The following GALNT13 variants were observed in gnomAD, a reference collection of about 807,000 sequenced individuals.
GALNT13 encodes polypeptide N-acetylgalactosaminyltransferase 13.
In GALNT13, 28 loss-of-function variants were observed where a neutral mutation model predicts 64.2. That is an observed-to-expected ratio of 0.44 (90% CI 0.32 to 0.60). The LOEUF is 0.60. Ranked by LOEUF, GALNT13 falls within the 20% of genes least tolerant of loss-of-function variation. The pLI is 0.05. For missense variants in GALNT13, 577 were observed against 669.8 expected (o/e 0.86, Z 1.53); for synonymous variants, 214 against 224.6 (o/e 0.95, Z 0.42).
At chr2:153,147,393 A>G in the GALNT13 span, among the ~76,000 whole-genome samples, 3 of 152,022 alleles carry the variant, frequency 2.0e-5, no homozygotes, top group East Asian at 1.9e-4. Context: ...AGCAAAGTTA[A>G]GGATTCCTGC....
chr2:154,422,496 A>G (rs766349430), intron 11 of GALNT13, among the ~76,000 whole-genome samples: 31 of 152,308 alleles, frequency 2.0e-4, no homozygotes, highest in Non-Finnish European at 3.8e-4. Context: ...GTAACCATGG[A>G]AACAGCCTAG....
chr2:154,398,157 G>A (rs1038487411), intron 10 of GALNT13, among the ~76,000 whole-genome samples: 16 of 152,152 alleles, frequency 1.1e-4, no homozygotes, highest in African/African-American at 3.9e-4. Context: ...TATATCCTCA[G>A]AAGAAAGGAG....
the GALNT13 span, among the ~76,000 whole-genome samples, chr2:153,807,145 G>T: frequency 1.3e-5 from 2 of 151,804 alleles, no homozygotes; most frequent in African/African-American, 4.8e-5. Flanking sequence ...TCCTCTTTTA[G>T]CAACCCCATC....
chr2:153,223,375 AT>A, the GALNT13 span, among the ~76,000 whole-genome samples: 1 of 152,178 alleles, frequency 6.6e-6, no homozygotes, highest in African/African-American at 2.4e-5. Flanking sequence ...CAGAATATTA[AT>A]TTTTCTCAGG....
chr2:153,724,554 C>A, the GALNT13 span, among the ~76,000 whole-genome samples: 1 of 109,970 alleles, frequency 9.1e-6, no homozygotes, highest in Non-Finnish European at 1.7e-5. Context: ...ACAACCTACT[C>A]ATCTGACAAA....
the GALNT13 span, among the ~76,000 whole-genome samples, chr2:153,725,291 C>T: frequency 6.6e-6 from 1 of 150,698 alleles, no homozygotes; most frequent in Non-Finnish European, 1.5e-5. Context: ...GAATATCACA[C>T]TCTGGGGACT....
At chr2:153,179,594 C>T in the GALNT13 span, among the ~76,000 whole-genome samples, 42 of 151,932 alleles carry the variant, frequency 2.8e-4, no homozygotes, top group Middle Eastern at 3.2e-3. Context: ...GGAAAAATGA[C>T]GTTGAAATTT....
chr2:153,292,452 C>G, the GALNT13 span, among the ~76,000 whole-genome samples: 1 of 152,112 alleles, frequency 6.6e-6, no homozygotes. Context: ...CAGTGGGAAA[C>G]AGTAGGAAAA....
chr2:153,715,897 C>G, the GALNT13 span, among the ~76,000 whole-genome samples: 1 of 149,768 alleles, frequency 6.7e-6, no homozygotes, highest in African/African-American at 2.5e-5. Flanking sequence ...CAATTGCAAA[C>G]TGATGTCTTT....
chr2:154,226,786 A>G (rs1003047902), intron 4 of GALNT13, among the ~76,000 whole-genome samples: 4 of 152,138 alleles, frequency 2.6e-5, no homozygotes, highest in Admixed American at 2.0e-4. Flanking sequence ...TTTATGCCGC[A>G]AGAACAAAGT....
the GALNT13 span, among the ~76,000 whole-genome samples, chr2:153,139,421 A>C: frequency 6.6e-6 from 1 of 152,016 alleles, no homozygotes; most frequent in Non-Finnish European, 1.5e-5. Context: ...GAGGGATACA[A>C]AGTAGAGCAT....
the GALNT13 span, among the ~76,000 whole-genome samples, chr2:153,198,094 A>G: frequency 2.0e-5 from 3 of 152,226 alleles, no homozygotes; most frequent in Non-Finnish European, 4.4e-5. Flanking sequence ...CCAGGATATG[A>G]GGGCTCTTAG....
chr2:153,089,842 AT>A, the GALNT13 span, among the ~76,000 whole-genome samples: 3 of 151,666 alleles, frequency 2.0e-5, no homozygotes, highest in South Asian at 6.3e-4. Context: ...CATATCCCAT[AT>A]TGCTTTTTGA....
At chr2:153,209,270 A>C in the GALNT13 span, among the ~76,000 whole-genome samples, 14 of 152,150 alleles carry the variant, frequency 9.2e-5, 1 homozygote, top group South Asian at 2.9e-3. Context: ...GTGAGCCACC[A>C]TGCCTGGCTG....
intron 2 of GALNT13, among the ~76,000 whole-genome samples, chr2:153,928,339 G>T (rs1690292654): frequency 6.6e-6 from 1 of 152,080 alleles, no homozygotes. Flanking sequence ...CTAGGAAGCT[G>T]CAGTTTAGAT....
intron 3 of GALNT13, among the ~76,000 whole-genome samples, chr2:154,053,027 AC>A (rs760887970): frequency 1.6e-4 from 24 of 152,104 alleles, no homozygotes; most frequent in Non-Finnish European, 1.6e-4. Flanking sequence ...GGCATGAGCC[AC>A]CGTGCCTGGC....
chr2:153,863,754 A>G, the GALNT13 span, among the ~76,000 whole-genome samples: 22 of 152,314 alleles, frequency 1.4e-4, no homozygotes, highest in African/African-American at 5.3e-4. Context: ...TAACGAAATA[A>G]TAACTATGTA....
chr2:153,252,426 G>A, the GALNT13 span, among the ~76,000 whole-genome samples: 2 of 138,042 alleles, frequency 1.4e-5, no homozygotes, highest in Non-Finnish European at 3.1e-5. Context: ...TAGGTTGCCT[G>A]TTCACTCTGA....
intron 8 of GALNT13, among the ~76,000 whole-genome samples, chr2:154,288,888 C>A (rs555155849): frequency 1.3e-5 from 2 of 152,346 alleles, no homozygotes; most frequent in Admixed American, 6.5e-5. Flanking sequence ...ATCTACCATT[C>A]TAGGGTCTGG....
Sources: gnomAD v4.1 joint callset for allele counts (sites outside exome capture counted in the v4.1 genomes callset) on GRCh38, gnomAD v4.1.1 for gene constraint, MANE v1.5 for transcripts, NCBI Gene and HGNC (gene_info 2026-07-23, HGNC 2026-07-21) for gene names.